Variants in ZNF674 observed in about 807,000 individuals in gnomAD.
The protein encoded by ZNF674 is zinc finger family member 674.
In ZNF674, 2 loss-of-function variants were observed where a neutral mutation model predicts 7.0. The observed-to-expected ratio is 0.29, with a 90% CI of 0.12 to 0.90. ZNF674 has a LOEUF of 0.90. Among genes scored for constraint, ZNF674 ranks in the 40% least tolerant of loss-of-function variants. The pLI is 0.57. For missense variants in ZNF674, 297 were observed against 415.5 expected, an observed-to-expected ratio of 0.71 and a Z score of 2.48; for synonymous variants, 103 against 145.2, an observed-to-expected ratio of 0.71 and a Z score of 2.09.
intron 3 of ZNF674, among the ~76,000 whole-genome samples, chrX:46,535,908 C>T (rs1440679129): frequency 2.7e-5 from 3 of 111,978 alleles, no homozygotes; most frequent in African/African-American, 9.7e-5. Flanking sequence ...TTATAAGCCT[C>T]ACTAAAAGTC....
Position 46,500,142 on chromosome X carries a change from G to A in ZNF674, c.1432C>T (p.Pro478Ser). 1 of 1,210,976 alleles carries A rather than the reference G, an allele frequency of 8.3e-7. No individual in the cohort carries two copies. The highest frequency in any genetic ancestry group is 1.1e-6 in the Non-Finnish European group (1 of 895,134). ...TGAATTCTCTGATGTTTAATCAGTG[G>A]TGACTTCTCACTAAAGGCTTTCCCA... Reference protein sequence around the residue: ...ECGKAFSEKSPLIKHQRIHTG... With the variant: ...ECGKAFSEKSSLIKHQRIHTG... The change falls in exon 6 of 6, where the codon CCA becomes TCA. Residue 478 changes from proline to serine, a missense_variant. Pro to Ser is a moderately conservative substitution (Grantham distance 74). Coordinates refer to ENST00000683375, the MANE Select transcript of ZNF674 (RefSeq NM_001190417.2).
intron 5 of ZNF674, among the ~76,000 whole-genome samples, chrX:46,519,259 T>TAG (rs754691440): frequency 1.4e-5 from 1 of 73,552 alleles, no homozygotes; most frequent in Non-Finnish European, 2.6e-5. Context: ...GATAGATAGA[T>TAG]AGATAAAGAT....
chrX:46,521,762 G>A (rs1208428202), intron 5 of ZNF674, among the ~76,000 whole-genome samples: 1 of 109,173 alleles, frequency 9.2e-6, no homozygotes, highest in Admixed American at 9.9e-5. Context: ...GGTGGCACAT[G>A]CCTGCAATCC....
intron 5 of ZNF674, among the ~76,000 whole-genome samples, chrX:46,512,023 CAA>C (rs373241005): frequency 1.2e-4 from 7 of 59,037 alleles, no homozygotes; most frequent in Admixed American, 4.2e-4. Context: ...AACTCCATCT[CAA>C]AAAAAAAAAA....
intron 5 of ZNF674, among the ~76,000 whole-genome samples, chrX:46,514,363 G>A (rs775112577): frequency 3.6e-5 from 4 of 111,203 alleles, no homozygotes; most frequent in African/African-American, 1.3e-4. Context: ...GAGGTTGCGT[G>A]GGGGTGAACT....
At chrX:46,513,046 C>CCT (rs1941690703) in intron 5 of ZNF674, among the ~76,000 whole-genome samples, 1 of 110,937 alleles carries the variant, frequency 9.0e-6, no homozygotes, top group African/African-American at 3.3e-5. Context: ...AGGCAGATCA[C>CCT]GAGGTCAAGA....
At chrX:46,513,891 C>A (rs1002437270) in intron 5 of ZNF674, among the ~76,000 whole-genome samples, 2 of 110,507 alleles carry the variant, frequency 1.8e-5, no homozygotes, top group Non-Finnish European at 3.8e-5. Context: ...TATGGCAAAA[C>A]CCTGTCTCTA....
intron 5 of ZNF674, among the ~76,000 whole-genome samples, chrX:46,524,961 G>A (rs5952898): frequency 0.011 from 1,200 of 110,542 alleles, 18 homozygotes; most frequent in African/African-American, 0.037. Flanking sequence ...AATGAGCTAT[G>A]ACCATACCAC....
rs192511667 is a variant in ZNF674 at position 46,503,986 on chromosome X, C to T, written c.239-2651G>A. On this transcript the variant is annotated intron_variant, in intron 5 of 5. Coordinates refer to ENST00000683375, the MANE Select transcript of ZNF674 (RefSeq NM_001190417.2). ...CCCAGGAGGTCAAGGTTGCAGTGAG[C>T]CATGTACACAACACTACACTCTAGC... is the stretch of plus-strand genomic sequence containing the variant. Among the ~76,000 whole-genome samples, 9 of 110,718 alleles carry T rather than the reference C, an allele frequency of 8.1e-5. No individual in the cohort carries two copies. In the East Asian group the frequency reaches 2.3e-3, roughly 28 times the overall value.
rs1941378307 is a variant in ZNF674 at position 46,499,826 on chromosome X, C to T, written c.*17G>A. On this transcript the variant is annotated 3_prime_UTR_variant, in exon 6 of 6. Transcript: ENST00000683375. Reference sequence around the variant, plus strand: ...GACAAATAACTACTAGTATAATTATCCCACTCTCAAGTATAATCATAGGTT... The same window carrying T: ...GACAAATAACTACTAGTATAATTATTCCACTCTCAAGTATAATCATAGGTT... 3 of 1,086,662 alleles carry T rather than the reference C, an allele frequency of 2.8e-6. No homozygotes were observed. In the East Asian group the frequency reaches 9.2e-5, roughly 33 times the overall value. The allele number at this position is 1,086,662 out of a possible 1,213,427, so 89.6% of individuals were successfully genotyped here. A position where few individuals can be genotyped will look rare whatever the true frequency, so the allele number is the denominator to read the frequency against.
intron 3 of ZNF674, among the ~76,000 whole-genome samples, chrX:46,537,806 G>A (rs979557984): frequency 1.8e-5 from 2 of 111,976 alleles, no homozygotes; most frequent in African/African-American, 3.2e-5. Flanking sequence ...GTTTCTTGCA[G>A]GGCCAGGCGT....
At chrX:46,536,452 T>C (rs1942199948) in intron 3 of ZNF674, among the ~76,000 whole-genome samples, 1 of 110,765 alleles carries the variant, frequency 9.0e-6, no homozygotes, top group African/African-American at 3.3e-5. Context: ...TAGCTGGGCA[T>C]GGTGGCACGC....
At chrX:46,515,611 T>G (rs1173254251) in intron 5 of ZNF674, among the ~76,000 whole-genome samples, 2 of 111,024 alleles carry the variant, frequency 1.8e-5, no homozygotes, top group Admixed American at 1.9e-4. Flanking sequence ...CCAAACTGTT[T>G]GCTTTATTTT....
chrX:46,537,368 T>C (rs1300079361), intron 3 of ZNF674, among the ~76,000 whole-genome samples: 1 of 110,342 alleles, frequency 9.1e-6, no homozygotes, highest in African/African-American at 3.3e-5. Flanking sequence ...CATATTTTCA[T>C]TAAAAACAAC....
intron 5 of ZNF674, among the ~76,000 whole-genome samples, chrX:46,505,802 A>G (rs1413755218): frequency 1.8e-5 from 2 of 110,912 alleles, no homozygotes. Flanking sequence ...ACACGAAAAA[A>G]AAAACTAGTA....
chrX:46,503,248 T>C (rs1249005646), intron 5 of ZNF674, among the ~76,000 whole-genome samples: 1 of 112,376 alleles, frequency 8.9e-6, no homozygotes, highest in African/African-American at 3.2e-5. Context: ...CGAGACAAGC[T>C]TTCATCTTAG....
At chrX:46,528,701 C>T in intron 4 of ZNF674, 82 bp downstream of exon 4, 1 of 1,176,294 alleles carries the variant, frequency 8.5e-7, no homozygotes, top group Non-Finnish European at 1.1e-6. Context: ...CTCATTGTTC[C>T]TAGGCCCCAG....
chrX:46,530,847 G>C (rs1048896970), intron 3 of ZNF674, among the ~76,000 whole-genome samples: 1 of 112,570 alleles, frequency 8.9e-6, no homozygotes, highest in African/African-American at 3.2e-5. Flanking sequence ...AAAACTCCTG[G>C]GAGGGGAGAG....
intron 3 of ZNF674, among the ~76,000 whole-genome samples, chrX:46,537,281 TCA>T (rs1038152263): frequency 1.9e-5 from 2 of 105,849 alleles, no homozygotes; most frequent in Non-Finnish European, 3.9e-5. Flanking sequence ...AAAAATTGAC[TCA>T]CACATAAGGA....
Sources: gnomAD v4.1 joint callset for allele counts (sites outside exome capture counted in the v4.1 genomes callset) on GRCh38, gnomAD v4.1.1 for gene constraint, MANE v1.5 for transcripts, NCBI Gene and HGNC (gene_info 2026-07-23, HGNC 2026-07-21) for gene names.